BRWD3: variants seen among roughly 807,000 people sequenced by gnomAD.
The protein encoded by BRWD3 is bromodomain and WD repeat-containing protein 3.
Under a neutral mutation model 149.7 loss-of-function variants are expected in BRWD3, and 10 were observed. The observed-to-expected ratio is 0.07, with a 90% CI of 0.04 to 0.11. The LOEUF (loss-of-function observed/expected upper bound fraction) is 0.11. Ranked by LOEUF, BRWD3 falls within the 10% of genes least tolerant of loss-of-function variation. The pLI, the probability that BRWD3 is intolerant of heterozygous loss-of-function variation, is 1.00. For synonymous variants in BRWD3, 504 were observed against 456.7 expected (o/e 1.10, Z -1.32); for missense variants, 940 against 1,373.2 (o/e 0.68, Z 4.99).
intron 40 of BRWD3, among the ~76,000 whole-genome samples, chrX:80,679,639 G>A (rs991600619): frequency 1.8e-5 from 2 of 111,177 alleles, no homozygotes; most frequent in Admixed American, 9.6e-5. Flanking sequence ...AGAAGAAACA[G>A]AAATAAGAGA....
At chrX:80,757,168 A>T (rs2073750693) in intron 6 of BRWD3, among the ~76,000 whole-genome samples, 1 of 112,012 alleles carries the variant, frequency 8.9e-6, no homozygotes, top group African/African-American at 3.2e-5. Context: ...TTTGATTAGT[A>T]ACTTAATTAT....
intron 14 of BRWD3, among the ~76,000 whole-genome samples, chrX:80,728,134 T>C (rs1389874327): frequency 8.9e-6 from 1 of 111,854 alleles, no homozygotes; most frequent in East Asian, 2.8e-4. Context: ...TTTGGCATTC[T>C]CTCCTTAAAA....
At chrX:80,807,949 G>A (rs1394654376) in intron 4 of BRWD3, among the ~76,000 whole-genome samples, 1 of 110,680 alleles carries the variant, frequency 9.0e-6, no homozygotes, top group African/African-American at 3.3e-5. Context: ...TTACCTAACC[G>A]GCAAAATTTG....
intron 4 of BRWD3, among the ~76,000 whole-genome samples, chrX:80,805,516 T>C (rs768300763): frequency 3.2e-4 from 36 of 111,912 alleles, no homozygotes; most frequent in Non-Finnish European, 6.2e-4. Context: ...TGCTGCTATA[T>C]AATGTAATAT....
chrX:80,699,116 G>A (rs2072744181), intron 25 of BRWD3, among the ~76,000 whole-genome samples: 1 of 110,222 alleles, frequency 9.1e-6, no homozygotes, highest in Admixed American at 9.7e-5. Flanking sequence ...TCAGGAGGCT[G>A]AGGCAGAAGA....
rs752695706 is a variant in BRWD3 at position 80,674,427 on chromosome X, A to G, written c.*2182T>C. 9.0e-6 allele frequency: 1 copy of G among 111,588 alleles called. No individual in the cohort carries two copies. Among genetic ancestry groups the G allele is most frequent in the Non-Finnish European group, 1.9e-5 (1 of 52,992 alleles). The allele number at this position is 111,588 out of a possible 1,213,427, so 9.2% of individuals were successfully genotyped here. A position where few individuals can be genotyped will look rare whatever the true frequency, so the allele number is the denominator to read the frequency against. On this transcript the variant is annotated 3_prime_UTR_variant, in exon 41 of 41. Transcript: ENST00000373275. ...TAGAAGAATGTCAACAAAAAATTTC[A>G]AACTAAAATGATACATGTGATCCAT...
intron 21 of BRWD3, among the ~76,000 whole-genome samples, chrX:80,708,581 C>G (rs1294611144): frequency 9.0e-6 from 1 of 111,042 alleles, no homozygotes; most frequent in Admixed American, 9.5e-5. Flanking sequence ...TTTGGGAGGC[C>G]AAGGTGGGCA....
intron 4 of BRWD3, among the ~76,000 whole-genome samples, chrX:80,799,865 A>C (rs16979508): frequency 0.27 from 29,564 of 110,165 alleles, 2,911 homozygotes; most frequent in South Asian, 0.62. Context: ...ATAACTATCT[A>C]CTAAAGTTCG....
intron 40 of BRWD3, among the ~76,000 whole-genome samples, chrX:80,678,201 A>G (rs1295757358): frequency 1.8e-5 from 2 of 112,445 alleles, no homozygotes; most frequent in Non-Finnish European, 3.8e-5. Context: ...GGATATGTCA[A>G]TAGATGTGAT....
At chrX:80,768,110 T>C (rs887891428) in intron 6 of BRWD3, among the ~76,000 whole-genome samples, 6 of 111,888 alleles carry the variant, frequency 5.4e-5, no homozygotes, top group Non-Finnish European at 7.5e-5. Context: ...CTGATTAGTG[T>C]ACCTGAAAGT....
At chrX:80,761,849 A>G (rs972637442) in intron 6 of BRWD3, among the ~76,000 whole-genome samples, 4 of 111,585 alleles carry the variant, frequency 3.6e-5, no homozygotes, top group Non-Finnish European at 5.6e-5. Context: ...ACAGATATCA[A>G]TAGCAGAATC....
At chrX:80,734,646 T>C (rs1238390757) in intron 10 of BRWD3, among the ~76,000 whole-genome samples, 2 of 110,341 alleles carry the variant, frequency 1.8e-5, no homozygotes, top group Admixed American at 9.7e-5. Context: ...GTGAATATAC[T>C]GTACACTTAA....
chrX:80,796,149 G>C (rs922935242), intron 4 of BRWD3, among the ~76,000 whole-genome samples: 1 of 83,605 alleles, frequency 1.2e-5, no homozygotes, highest in South Asian at 6.7e-4. Flanking sequence ...TTTTTTTTTT[G>C]AGTCGGAGTC....
chrX:80,722,971 T>C (rs748541232), intron 16 of BRWD3, among the ~76,000 whole-genome samples, 184 bp from the exon 17 acceptor site: 2 of 111,528 alleles, frequency 1.8e-5, no homozygotes, highest in Non-Finnish European at 3.8e-5. Context: ...TAATTCTCTT[T>C]TCTCCACAAA....
chrX:80,737,533 T>C (rs1388917035), intron 8 of BRWD3, among the ~76,000 whole-genome samples: 1 of 112,218 alleles, frequency 8.9e-6, no homozygotes, highest in Non-Finnish European at 1.9e-5. Context: ...TTGAGAAATT[T>C]GCATTAAAAA....
chrX:80,781,551 G>A (rs1602428818), intron 6 of BRWD3, among the ~76,000 whole-genome samples: 1 of 110,927 alleles, frequency 9.0e-6, no homozygotes, highest in East Asian at 2.8e-4. Context: ...GCCGATGACT[G>A]CTCTAACTGC....
At chrX:80,707,096 G>A (rs1312242356) in intron 22 of BRWD3, among the ~76,000 whole-genome samples, 3 of 112,368 alleles carry the variant, frequency 2.7e-5, no homozygotes, top group Non-Finnish European at 5.6e-5. Context: ...TAGGTGACAG[G>A]AATTTTTCAG....
At position 80,809,627 on chromosome X, in the gene BRWD3, A is replaced by T; in HGVS notation, c.-156T>A. 1 of 452,447 alleles carries T rather than the reference A, an allele frequency of 2.2e-6. No homozygotes were observed. The highest frequency in any genetic ancestry group is 3.9e-6 in the Non-Finnish European group (1 of 255,243). The allele number at this position is 452,447 out of a possible 1,213,427, so 37.3% of individuals were successfully genotyped here. On this transcript the variant is annotated 5_prime_UTR_variant, in exon 1 of 41. It removes an upstream start codon present in the reference 5' UTR. Transcript: ENST00000373275. ...TTTCGCTCTCTCTCGAATTCATCGC[A>T]TCACGTTTCGACCCATAGATATTCT... is the stretch of plus-strand genomic sequence containing the variant.
chrX:80,798,048 TCAC>T (rs2074256544), intron 4 of BRWD3, among the ~76,000 whole-genome samples: 3 of 110,819 alleles, frequency 2.7e-5, no homozygotes, highest in African/African-American at 6.6e-5. Flanking sequence ...TGAGCCGAGA[TCAC>T]GCCACTGCAC....
Sources: gnomAD v4.1 joint callset for allele counts (sites outside exome capture counted in the v4.1 genomes callset) on GRCh38, gnomAD v4.1.1 for gene constraint, MANE v1.5 for transcripts, NCBI Gene and HGNC (gene_info 2026-07-23, HGNC 2026-07-21) for gene names.